Variants in MAGI3 observed in about 807,000 individuals in gnomAD.
The protein encoded by MAGI3 is membrane associated guanylate kinase, WW and PDZ domain containing 3.
A neutral mutation model predicts 121.8 loss-of-function variants in MAGI3; 43 were observed. The observed-to-expected ratio is 0.35, with a 90% CI of 0.28 to 0.46. The LOEUF (loss-of-function observed/expected upper bound fraction) is 0.46. Among genes scored for constraint, MAGI3 ranks in the 20% least tolerant of loss-of-function variants. MAGI3 has a pLI of 1.00. For missense variants in MAGI3, 1,547 were observed against 1,797.3 expected, an observed-to-expected ratio of 0.86 and a Z score of 2.52; for synonymous variants, 553 against 639.3, an observed-to-expected ratio of 0.86 and a Z score of 2.04.
At chr1:113,449,671 G>A (rs1336584056) in intron 1 of MAGI3, 4 of 770,018 alleles carry the variant, frequency 5.2e-6, no homozygotes, top group African/African-American at 1.7e-5. Context: ...TATTGAACTC[G>A]AGTTGGAAGA....
chr1:113,516,503 A>T (rs1020777197), intron 1 of MAGI3, among the ~76,000 whole-genome samples: 1 of 151,862 alleles, frequency 6.6e-6, no homozygotes, highest in Non-Finnish European at 1.5e-5. Flanking sequence ...GGAATAATTT[A>T]TGCAAAAAAA....
intron 6 of MAGI3, 44 bp downstream of exon 6, chr1:113,594,604 C>T: frequency 6.6e-7 from 1 of 1,504,214 alleles, no homozygotes; most frequent in Non-Finnish European, 9.1e-7. Flanking sequence ...TTCTCTTAAT[C>T]CTTTCTTGCT....
intron 1 of MAGI3, among the ~76,000 whole-genome samples, chr1:113,462,569 G>C (rs1655087234): frequency 1.3e-5 from 2 of 152,078 alleles, no homozygotes; most frequent in African/African-American, 4.8e-5. Flanking sequence ...GAGGGTGAAA[G>C]GAGCAAGAGG....
At chr1:113,641,659 A>G (rs891771004) in intron 9 of MAGI3, among the ~76,000 whole-genome samples, 5 of 151,612 alleles carry the variant, frequency 3.3e-5, no homozygotes, top group African/African-American at 1.2e-4. Context: ...TTTTTTTTTA[A>G]TGATTCACTT....
intron 1 of MAGI3, among the ~76,000 whole-genome samples, chr1:113,483,495 A>G (rs1053971254): frequency 2.0e-5 from 3 of 152,198 alleles, no homozygotes; most frequent in Admixed American, 2.0e-4. Flanking sequence ...CAAACCAGCA[A>G]GAGTCATCAC....
At chr1:113,663,579 A>G (rs1246598973) in intron 16 of MAGI3, among the ~76,000 whole-genome samples, 5 of 152,150 alleles carry the variant, frequency 3.3e-5, no homozygotes, top group Non-Finnish European at 7.3e-5. Flanking sequence ...TTCATTATGC[A>G]TACATATATT....
Position 113,506,744 on chromosome 1 carries a change from T to C in MAGI3, c.317-42771T>C, listed in dbSNP as rs555735417. ...CTTATAGGAAGAAGTATAGGCTTCC[T>C]GCCTTAAGGGTACCACTTCCCTTTT... On this transcript the variant is annotated intron_variant, in intron 1 of 20. Transcript: ENST00000307546. Among the ~76,000 whole-genome samples, 15 of 152,310 alleles carry C rather than the reference T, an allele frequency of 9.8e-5. No homozygotes were observed. The East Asian group carries it at 2.7e-3, about 27-fold the overall frequency.
chr1:113,558,269 G>A (rs1431180443), intron 2 of MAGI3, among the ~76,000 whole-genome samples: 1 of 152,202 alleles, frequency 6.6e-6, no homozygotes, highest in African/African-American at 2.4e-5. Context: ...ACTTCACTGA[G>A]CTAAAGGAGC....
intron 1 of MAGI3, among the ~76,000 whole-genome samples, chr1:113,531,762 G>A (rs989336440): frequency 1.3e-4 from 19 of 151,994 alleles, no homozygotes; most frequent in East Asian, 1.9e-4. Context: ...TACCTTTCTC[G>A]AAACCTTAGT....
intron 1 of MAGI3, among the ~76,000 whole-genome samples, chr1:113,432,855 C>T (rs1361025352): frequency 6.6e-6 from 1 of 152,028 alleles, no homozygotes; most frequent in Non-Finnish European, 1.5e-5. Flanking sequence ...TTCTGTTGCT[C>T]CACATCCTCT....
intron 1 of MAGI3, among the ~76,000 whole-genome samples, chr1:113,448,664 C>CT (rs751963214): frequency 8.9e-4 from 131 of 147,844 alleles, no homozygotes; most frequent in South Asian, 3.5e-3. Flanking sequence ...ATCTAAATGC[C>CT]TTTTTTTTTT....
chr1:113,607,170 A>T (rs1217211), intron 6 of MAGI3, among the ~76,000 whole-genome samples: 112,907 of 152,060 alleles, frequency 0.74, 42,496 homozygotes, highest in African/African-American at 0.8. Flanking sequence ...CCCAGTAGAA[A>T]ATATTAGAAC....
intron 1 of MAGI3, among the ~76,000 whole-genome samples, chr1:113,483,907 G>T (rs890633467): frequency 6.6e-6 from 1 of 152,142 alleles, no homozygotes; most frequent in Admixed American, 6.5e-5. Context: ...GTGTGTGTGT[G>T]TGTGTGTGTT....
At chr1:113,464,591 T>A (rs1341322203) in intron 1 of MAGI3, among the ~76,000 whole-genome samples, 1 of 152,180 alleles carries the variant, frequency 6.6e-6, no homozygotes, top group Non-Finnish European at 1.5e-5. Flanking sequence ...TGTGTAGTGA[T>A]TGTATTTATT....
chr1:113,604,565 C>CAAAAAAAAAA (rs59047770), intron 6 of MAGI3, among the ~76,000 whole-genome samples: 20 of 62,010 alleles, frequency 3.2e-4, no homozygotes, highest in African/African-American at 1.1e-3. Flanking sequence ...GTCTCCATCT[C>CAAAAAAAAAA]AAAAAAAAAA....
At chr1:113,414,453 T>C (rs1330373636) in intron 1 of MAGI3, among the ~76,000 whole-genome samples, 1 of 152,186 alleles carries the variant, frequency 6.6e-6, no homozygotes, top group Non-Finnish European at 1.5e-5. Flanking sequence ...GAAGGAACGG[T>C]ATTAGCTCCT....
At chr1:113,668,564 T>C (rs961922642) in intron 16 of MAGI3, among the ~76,000 whole-genome samples, 2 of 146,152 alleles carry the variant, frequency 1.4e-5, no homozygotes, top group Admixed American at 6.9e-5. Context: ...ACAAAAAACA[T>C]GTAACTTTTT....
rs967232028 is a variant in MAGI3, at chr1:113,489,269, T to C, written c.317-60246T>C. On this transcript the variant is annotated intron_variant, in intron 1 of 20. Transcript: ENST00000307546. ...GAGTTAGAGCACACAGTCCTGGAGT[T>C]GAGAGCTGAGCAGTGGCCCTCTAAC... Among the ~76,000 whole-genome samples the C allele has an allele frequency of 2.0e-5, 3 of 151,552 alleles. No homozygotes were observed. In the South Asian group the frequency reaches 6.2e-4, roughly 32 times the overall value.
rs141772995 is a variant in MAGI3 at position 113,408,286 on chromosome 1, C to G, written c.316+16937C>G. On this transcript the variant is annotated intron_variant, in intron 1 of 20. Coordinates refer to ENST00000307546, the MANE Select transcript of MAGI3 (RefSeq NM_001142782.2). ...TTATTCAATCTAGGCAAAACTTCAG[C>G]CTCCTTGTTAAAATTTTATGCATAT... 2.8e-3 allele frequency among the ~76,000 whole-genome samples: 424 copies of G among 152,192 alleles called. 2 individuals carry two copies. Among genetic ancestry groups the G allele is most frequent in the Middle Eastern group, 0.01 (3 of 294 alleles).
Sources: gnomAD v4.1 joint callset for allele counts (sites outside exome capture counted in the v4.1 genomes callset) on GRCh38, gnomAD v4.1.1 for gene constraint, MANE v1.5 for transcripts, NCBI Gene and HGNC (gene_info 2026-07-23, HGNC 2026-07-21) for gene names.